Variants in GSK3B observed in about 807,000 individuals in gnomAD.
GSK3B encodes glycogen synthase kinase 3 beta, also known as glycogen synthase kinase-3 beta.
GSK3B carries 15 observed loss-of-function variants against 56.4 expected under a neutral mutation model. That is an observed-to-expected ratio of 0.27 (90% CI 0.18 to 0.41). The LOEUF (loss-of-function observed/expected upper bound fraction) is 0.41, where lower values mean the gene tolerates loss of function less well. Ranked by LOEUF, GSK3B falls within the 10% of genes least tolerant of loss-of-function variation. The pLI is 1.00. For synonymous variants in GSK3B, 181 were observed against 188.9 expected (o/e 0.96, Z 0.34); for missense variants, 300 against 513.4 (o/e 0.58, Z 4.02).
chr3:119,899,663 C>G (rs768612525), intron 7 of GSK3B, among the ~76,000 whole-genome samples: 32 of 152,234 alleles, frequency 2.1e-4, no homozygotes, highest in Non-Finnish European at 3.2e-4. Context: ...TAACTCTCAA[C>G]TTCTGTAGAA....
intron 8 of GSK3B, among the ~76,000 whole-genome samples, chr3:119,867,453 G>A (rs2056198642): frequency 6.6e-6 from 1 of 152,004 alleles, no homozygotes; most frequent in South Asian, 2.1e-4. Flanking sequence ...TTCCTCTTTG[G>A]AAAAACTCTC....
intron 9 of GSK3B, among the ~76,000 whole-genome samples, chr3:119,849,542 C>A (rs1416246604): frequency 1.3e-5 from 2 of 152,178 alleles, no homozygotes; most frequent in African/African-American, 4.8e-5. Flanking sequence ...CTCCTTATGG[C>A]CCATGCTGTC....
At chr3:120,022,719 T>C (rs1335696972) in intron 1 of GSK3B, among the ~76,000 whole-genome samples, 1 of 152,204 alleles carries the variant, frequency 6.6e-6, no homozygotes, top group Admixed American at 6.5e-5. Flanking sequence ...GCAGTCCACT[T>C]AGCATTTCTT....
intron 3 of GSK3B, among the ~76,000 whole-genome samples, chr3:119,946,588 G>A (rs1262843786): frequency 2.0e-5 from 3 of 152,102 alleles, no homozygotes; most frequent in East Asian, 1.9e-4. Context: ...AAAGGATAGC[G>A]ACAGGCAGAA....
At chr3:119,963,625 CA>C (rs774359104) in intron 2 of GSK3B, among the ~76,000 whole-genome samples, 5,999 of 79,054 alleles carry the variant, frequency 0.076, 144 homozygotes, top group African/African-American at 0.19. Flanking sequence ...TTCTTCCCCA[CA>C]AAAAAAAAAA....
intron 1 of GSK3B, among the ~76,000 whole-genome samples, chr3:120,005,649 A>G (rs1285740044): frequency 1.3e-5 from 2 of 152,234 alleles, no homozygotes; most frequent in African/African-American, 2.4e-5. Context: ...AGAATTTTCA[A>G]CCCAGAATTT....
intron 10 of GSK3B, among the ~76,000 whole-genome samples, chr3:119,827,973 T>C (rs2055542056): frequency 6.6e-6 from 1 of 152,196 alleles, no homozygotes; most frequent in Non-Finnish European, 1.5e-5. Context: ...TATGACTGGA[T>C]TGTTTGTAAC....
intron 2 of GSK3B, among the ~76,000 whole-genome samples, chr3:119,949,814 A>G (rs944687770): frequency 6.7e-6 from 1 of 150,082 alleles, no homozygotes; most frequent in East Asian, 1.9e-4. Flanking sequence ...AAAAAAAAAA[A>G]GCATTCTAAA....
intron 9 of GSK3B, among the ~76,000 whole-genome samples, chr3:119,853,513 G>A (rs2108022130): frequency 6.6e-6 from 1 of 152,294 alleles, no homozygotes; most frequent in South Asian, 2.1e-4. Flanking sequence ...ACCTTGGGCA[G>A]TAGGGCCATT....
intron 2 of GSK3B, among the ~76,000 whole-genome samples, chr3:119,959,375 T>C (rs2057247120): frequency 1.3e-5 from 2 of 152,146 alleles, no homozygotes; most frequent in African/African-American, 2.4e-5. Context: ...CTTGACATGT[T>C]ATAAGTAAAA....
chr3:119,871,866 T>A (rs148041632), intron 8 of GSK3B, among the ~76,000 whole-genome samples: 1 of 152,320 alleles, frequency 6.6e-6, no homozygotes, highest in East Asian at 1.9e-4. Context: ...AGCACTAATG[T>A]AACTGTTAAG....
At chr3:120,075,649 A>G (rs1362468923) in intron 1 of GSK3B, among the ~76,000 whole-genome samples, 3 of 152,220 alleles carry the variant, frequency 2.0e-5, no homozygotes, top group Non-Finnish European at 2.9e-5. Context: ...ATCAACAAAC[A>G]AAATACTTAG....
chr3:119,847,005 G>A (rs2055864697), intron 9 of GSK3B, among the ~76,000 whole-genome samples: 2 of 152,248 alleles, frequency 1.3e-5, no homozygotes, highest in South Asian at 4.1e-4. Flanking sequence ...GATGAAGCTG[G>A]AAACCATCAT....
At chr3:119,830,162 T>G (rs1296191321) in intron 10 of GSK3B, among the ~76,000 whole-genome samples, 1 of 152,162 alleles carries the variant, frequency 6.6e-6, no homozygotes, top group Non-Finnish European at 1.5e-5. Flanking sequence ...CATTTCATAA[T>G]CTCTACAATC....
intron 8 of GSK3B, chr3:119,866,450 T>C: frequency 1.4e-6 from 1 of 725,454 alleles, no homozygotes; most frequent in Non-Finnish European, 2.5e-6. Context: ...ATACAGTGAA[T>C]AAAAACAGAA....
chr3:120,011,530 C>T (rs1309610526), intron 1 of GSK3B, among the ~76,000 whole-genome samples: 1 of 152,200 alleles, frequency 6.6e-6, no homozygotes, highest in East Asian at 1.9e-4. Context: ...GAAAGAGACT[C>T]TTAAGGCCTC....
At chr3:119,990,592 A>T (rs568146418) in intron 2 of GSK3B, among the ~76,000 whole-genome samples, 17 of 152,344 alleles carry the variant, frequency 1.1e-4, no homozygotes, top group African/African-American at 3.8e-4. Context: ...AAAAACAGAC[A>T]TCATCTTTCC....
chr3:119,897,589 C>T (rs143584032), intron 7 of GSK3B, among the ~76,000 whole-genome samples: 1 of 151,576 alleles, frequency 6.6e-6, no homozygotes, highest in Non-Finnish European at 1.5e-5. Flanking sequence ...ATTCATTTTT[C>T]TGGGGGGAAG....
intron 3 of GSK3B, among the ~76,000 whole-genome samples, chr3:119,942,854 C>A (rs916246081): frequency 6.6e-6 from 1 of 151,918 alleles, no homozygotes; most frequent in Non-Finnish European, 1.5e-5. Context: ...TCAAATATCT[C>A]ATTTTTCTCT....
Sources: allele counts gnomAD v4.1 joint callset (sites outside exome capture counted in the v4.1 genomes callset), GRCh38; gene constraint gnomAD v4.1.1; transcripts MANE v1.5; gene names NCBI Gene and HGNC (gene_info 2026-07-23, HGNC 2026-07-21).